ACADM: variants seen among roughly 807,000 people sequenced by gnomAD.
ACADM encodes medium-chain specific acyl-CoA dehydrogenase, mitochondrial.
A neutral mutation model predicts 58.9 loss-of-function variants in ACADM; 49 were observed. That is an observed-to-expected ratio of 0.83 (90% CI 0.66 to 1.06). The LOEUF is 1.06. ACADM is among the 50% of genes least tolerant of loss of function. ACADM has a pLI of 0.00. For missense variants in ACADM, 496 were observed against 507.0 expected (o/e 0.98, Z 0.21); for synonymous variants, 160 against 157.7 (o/e 1.01, Z -0.11).
At chr1:75,732,416 A>G (rs1647162790) in intron 2 of ACADM, 2 of 536,552 alleles carry the variant, frequency 3.7e-6, no homozygotes, top group Non-Finnish European at 6.6e-6. Flanking sequence ...TCTATTACTC[A>G]TTTGTAAAAG....
intron 7 of ACADM, among the ~76,000 whole-genome samples, chr1:75,740,314 TTTAA>T (rs1647497239): frequency 6.6e-6 from 1 of 152,124 alleles, no homozygotes; most frequent in Non-Finnish European, 1.5e-5. Flanking sequence ...CTCTCAGAAG[TTTAA>T]TGTGTAAAAT....
At chr1:75,761,569 T>A in intron 11 of ACADM, 199 bp downstream of exon 11, 4 of 624,056 alleles carry the variant, frequency 6.4e-6, no homozygotes, top group Admixed American at 5.7e-5. Flanking sequence ...GAAGAGAGAA[T>A]AGGCTAAAAA....
At chr1:75,736,173 T>TACACACAC (rs10647103) in intron 6 of ACADM, among the ~76,000 whole-genome samples, 9,429 of 144,480 alleles carry the variant, frequency 0.065, 340 homozygotes, top group Non-Finnish European at 0.08. Context: ...CACACAGACA[T>TACACACAC]ACACACACAC....
chr1:75,729,104 CAG>C lies in ACADM; in HGVS notation c.118+618_118+619del, dbSNP rs1270485636. Reference sequence around the variant, plus strand: ...ACCATTTACTCAATTTATTTGGTCTCAGAAAATAGTTAAAGGCAGCTGCGATA... The same window carrying C: ...ACCATTTACTCAATTTATTTGGTCTCAAAATAGTTAAAGGCAGCTGCGATA... On this transcript the variant is annotated intron_variant, in intron 2 of 11. Transcript: ENST00000370841. 6.6e-5 allele frequency among the ~76,000 whole-genome samples: 10 copies of C among 152,100 alleles called. No homozygotes were observed. In the East Asian group the frequency reaches 1.2e-3, roughly 18 times the overall value.
intron 8 of ACADM, among the ~76,000 whole-genome samples, chr1:75,746,780 G>C (rs1225958967): frequency 1.3e-5 from 2 of 151,660 alleles, no homozygotes; most frequent in African/African-American, 4.8e-5. Context: ...TGTATTTTTT[G>C]TAGAGACAGG....
intron 10 of ACADM, 29 bp downstream of exon 10, chr1:75,750,575 A>T: frequency 7.1e-7 from 1 of 1,400,524 alleles, no homozygotes; most frequent in South Asian, 1.2e-5. Context: ...GCTTTGTTCA[A>T]ATGTAAAGAC....
rs751163688 is a variant in ACADM, at chr1:75,749,530, A to G, written c.820A>G (p.Met274Val). 6.8e-6 allele frequency: 11 copies of G among 1,613,972 alleles called. No individual in the cohort carries two copies. The highest frequency in any genetic ancestry group is 4.0e-5 in the African/African-American group (3 of 74,912). ...TGACGGAGCTGGTTTCAAAGTTGCA[A>G]TGGGAGCTTTTGATAAAACCAGACC... ...IGDGAGFKVA[M>V]GAFDKTRPVV... Residue 274 changes from methionine to valine, a missense_variant, in exon 9 of 12, where the codon ATG becomes GTG. Transcript: ENST00000370841.
At chr1:75,729,284 C>T (rs997663635) in intron 2 of ACADM, among the ~76,000 whole-genome samples, 604 of 69,360 alleles carry the variant, frequency 8.7e-3, no homozygotes, top group African/African-American at 1.0e-2. Context: ...CTTTTTCTTT[C>T]TTTCTTTTTT....
intron 7 of ACADM, chr1:75,743,863 A>G (rs878957247): frequency 1.4e-6 from 2 of 1,413,554 alleles, no homozygotes; most frequent in South Asian, 1.1e-5. Context: ...CTCTTTGGTT[A>G]TATCATCAAT....
chr1:75,756,883 T>C lies in ACADM; in HGVS notation c.946-4239T>C, dbSNP rs988276794. On this transcript the variant is annotated intron_variant, in intron 10 of 11. Coordinates refer to ENST00000370841, the MANE Select transcript of ACADM (RefSeq NM_000016.6). ...AGATATATAGACAAATGGAACAGAATAGAGCCCTTGGAAATAATACCACAT... is the reference window on the plus strand; with the variant it reads ...AGATATATAGACAAATGGAACAGAACAGAGCCCTTGGAAATAATACCACAT... Among the ~76,000 whole-genome samples the C allele has an allele frequency of 6.6e-5, 10 of 152,050 alleles. No individual in the cohort carries two copies. The East Asian group carries it at 1.3e-3, about 20-fold the overall frequency.
intron 10 of ACADM, among the ~76,000 whole-genome samples, chr1:75,756,345 C>G (rs1031691915): frequency 4.6e-5 from 7 of 152,174 alleles, no homozygotes; most frequent in African/African-American, 1.7e-4. Flanking sequence ...TCTCCTTAAG[C>G]AGATAAGCAA....
At chr1:75,728,176 A>C (rs1408026662) in intron 1 of ACADM, among the ~76,000 whole-genome samples, 1 of 152,140 alleles carries the variant, frequency 6.6e-6, no homozygotes, top group Non-Finnish European at 1.5e-5. Flanking sequence ...AATACCACTG[A>C]CTTTATTTTC....
intron 7 of ACADM, chr1:75,744,225 G>T: frequency 1.9e-6 from 3 of 1,579,304 alleles, no homozygotes; most frequent in Non-Finnish European, 2.6e-6. Context: ...GGCACTGGTG[G>T]CATCGAGTGG....
At chr1:75,758,462 C>G (rs1027978412) in intron 10 of ACADM, among the ~76,000 whole-genome samples, 1 of 152,186 alleles carries the variant, frequency 6.6e-6, no homozygotes, top group Non-Finnish European at 1.5e-5. Context: ...CCCTGGGAAT[C>G]TCACCCTGTA....
At chr1:75,738,860 C>T in intron 6 of ACADM, among the ~76,000 whole-genome samples, 1 of 152,154 alleles carries the variant, frequency 6.6e-6, no homozygotes, top group Non-Finnish European at 1.5e-5. Context: ...CCTTCTACCA[C>T]CCCCTTTTAT....
chr1:75,725,260 A>G (rs79141190), intron 1 of ACADM, among the ~76,000 whole-genome samples: 7 of 130,182 alleles, frequency 5.4e-5, no homozygotes, highest in Non-Finnish European at 8.3e-5. Flanking sequence ...AAGTAAAAAA[A>G]AAACCTGCAG....
intron 10 of ACADM, among the ~76,000 whole-genome samples, chr1:75,753,302 T>C (rs1295626434): frequency 3.3e-5 from 5 of 152,160 alleles, no homozygotes; most frequent in Non-Finnish European, 1.5e-5. Context: ...CTCTGGTTCC[T>C]ATCCTGCTGA....
Position 75,740,059 on chromosome 1 carries a change from A to G in ACADM, c.548A>G (p.Tyr183Cys). ...AAAGCAGAAAAGAAAGGAGATGAGT[A>G]TATTATTAATGGTCAGAAGATGTGG... Reference protein sequence around the residue: ...KTKAEKKGDEYIINGQKMWIT... With the variant: ...KTKAEKKGDECIINGQKMWIT... Residue 183 changes from tyrosine to cysteine, a missense_variant, in exon 7 of 12, where the codon TAT becomes TGT. Tyr to Cys is a radical substitution (Grantham distance 194). Coordinates refer to ENST00000370841, the MANE Select transcript of ACADM (RefSeq NM_000016.6). The G allele has an allele frequency of 2.5e-6, 4 of 1,612,622 alleles. No individual in the cohort carries two copies. Among genetic ancestry groups the G allele is most frequent in the South Asian group, 1.1e-5 (1 of 91,062 alleles).
chr1:75,733,681 T>C, intron 5 of ACADM, 53 bp downstream of exon 5: 1 of 1,411,656 alleles, frequency 7.1e-7, no homozygotes. Flanking sequence ...AATGAGATAG[T>C]TACTCCTGAA....
Sources: allele counts gnomAD v4.1 joint callset (sites outside exome capture counted in the v4.1 genomes callset), GRCh38; gene constraint gnomAD v4.1.1; transcripts MANE v1.5; gene names NCBI Gene and HGNC (gene_info 2026-07-23, HGNC 2026-07-21).